NMRK1: variants seen among roughly 807,000 people sequenced by gnomAD.
NMRK1 encodes nicotinamide riboside kinase 1, also known as NRK 1.
Under a neutral mutation model 29.9 loss-of-function variants are expected in NMRK1, and 28 were observed. The observed-to-expected ratio is 0.94, with a 90% confidence interval of 0.69 to 1.28. The LOEUF is 1.28. NMRK1 is among the 50% of genes most tolerant of loss of function. The pLI is 0.00. For missense variants in NMRK1, 218 were observed against 233.1 expected (o/e 0.94, Z 0.42); for synonymous variants, 58 against 73.0 (o/e 0.79, Z 1.05).
intron 2 of NMRK1, 118 bp from the exon 3 acceptor site, chr9:75,077,698 C>G (rs902407223): frequency 1.5e-6 from 1 of 683,026 alleles, no homozygotes; most frequent in Non-Finnish European, 2.5e-6. Flanking sequence ...TGCAGTGGTG[C>G]AATCTTGGCT....
chr9:75,067,689 A>G (rs914394594), intron 7 of NMRK1, among the ~76,000 whole-genome samples: 1 of 152,210 alleles, frequency 6.6e-6, no homozygotes, highest in Non-Finnish European at 1.5e-5. Flanking sequence ...TTTGCATTTT[A>G]GGTAAAAGGG....
At chr9:75,084,788 T>C (rs1226957673) in intron 1 of NMRK1, among the ~76,000 whole-genome samples, 1 of 152,164 alleles carries the variant, frequency 6.6e-6, no homozygotes, top group Non-Finnish European at 1.5e-5. Context: ...AGGCCCTGTC[T>C]TAAAAAATAA....
intron 1 of NMRK1, among the ~76,000 whole-genome samples, chr9:75,086,887 A>G (rs1309155198): frequency 6.6e-6 from 1 of 151,192 alleles, no homozygotes; most frequent in Non-Finnish European, 1.5e-5. Context: ...CCCTTTTGGT[A>G]AACAAATCCC....
chr9:75,087,759 G>C (rs899906893), intron 1 of NMRK1: 2 of 152,248 alleles, frequency 1.3e-5, no homozygotes, highest in Non-Finnish European at 2.9e-5. Context: ...GACTTCTCCA[G>C]GCTGCGCGGT....
At chr9:75,072,752 T>C (rs550662797) in intron 4 of NMRK1, among the ~76,000 whole-genome samples, 1 of 152,360 alleles carries the variant, frequency 6.6e-6, no homozygotes, top group South Asian at 2.1e-4. Flanking sequence ...ATTTACTTCA[T>C]GGTGATTATA....
chr9:75,078,101 C>T (rs1735067371), intron 2 of NMRK1, among the ~76,000 whole-genome samples: 1 of 152,074 alleles, frequency 6.6e-6, no homozygotes, highest in South Asian at 2.1e-4. Context: ...AAGGTAACTA[C>T]CAAGTAAGGG....
intron 4 of NMRK1, among the ~76,000 whole-genome samples, chr9:75,070,554 C>G (rs1216806466): frequency 6.6e-6 from 1 of 152,184 alleles, no homozygotes; most frequent in Admixed American, 6.5e-5. Flanking sequence ...CATTGTCACA[C>G]TCTAAAAATG....
In NMRK1 at chr9:75,069,948, A is replaced by G; in HGVS notation, c.264T>C (p.Ser88=). The G allele has an allele frequency of 4.3e-6, 7 of 1,614,032 alleles. No individual in the cohort carries two copies. Among genetic ancestry groups the G allele is most frequent in the Non-Finnish European group, 5.9e-6 (7 of 1,179,946 alleles). Residue 88 remains serine, a synonymous_variant, in exon 5 of 9, where the codon AGT becomes AGC. Coordinates refer to ENST00000361092, the MANE Select transcript of NMRK1 (RefSeq NM_017881.3). ...TGATTAAAATGGGAATTTCCTCAGCACTTTCCTGGTCTGTTGATACCACAG... is the reference window on the plus strand; with the variant it reads ...TGATTAAAATGGGAATTTCCTCAGCGCTTTCCTGGTCTGTTGATACCACAG... The part of the protein sequence containing the change: ...RHSVVSTDQE[S]AEEIPILIIE...
In NMRK1 at chr9:75,083,170, C is replaced by A; in HGVS notation, c.-35-20G>T. 1 of 1,241,086 alleles carries A rather than the reference C, an allele frequency of 8.1e-7. No homozygotes were observed. Among genetic ancestry groups the A allele is most frequent in the Non-Finnish European group, 1.2e-6 (1 of 842,790 alleles). 76.9% of individuals were successfully genotyped at this position (1,241,086 alleles called of 1,614,324 possible). On this transcript the variant is annotated intron_variant, in intron 1 of 8. Coordinates refer to ENST00000361092, the MANE Select transcript of NMRK1 (RefSeq NM_017881.3). Reference sequence around the variant, plus strand: ...TATTTCCTAAAAGTAAAAAAACAAACAAACAAATCAAATGCATTTCATTTA... The same window carrying A: ...TATTTCCTAAAAGTAAAAAAACAAAAAAACAAATCAAATGCATTTCATTTA...
intron 4 of NMRK1, among the ~76,000 whole-genome samples, chr9:75,072,316 T>C (rs1367476378): frequency 6.6e-6 from 1 of 152,202 alleles, no homozygotes; most frequent in Admixed American, 6.5e-5. Context: ...TTGCATTACG[T>C]CTAGGGTTTT....
chr9:75,075,839 G>A (rs1186394480), intron 4 of NMRK1, among the ~76,000 whole-genome samples: 3 of 152,174 alleles, frequency 2.0e-5, no homozygotes, highest in Non-Finnish European at 4.4e-5. Flanking sequence ...TTCTCTCATG[G>A]GTGGTTGAGG....
intron 2 of NMRK1, 193 bp downstream of exon 2, chr9:75,082,894 C>T: frequency 1.8e-6 from 1 of 565,358 alleles, no homozygotes; most frequent in Non-Finnish European, 3.2e-6. Context: ...TTCTGTTTCT[C>T]TGTTTATAGA....
rs534409918 is a variant in NMRK1, at chr9:75,068,927, C to T, written c.496+69G>A. ...ATCCCTTTATACTTTTCTATGAGTC[C>T]TTTCTTTTCTATACTTTGAGGCAAA... On this transcript the variant is annotated intron_variant, in intron 7 of 8. Transcript: ENST00000361092. 3.7e-6 allele frequency: 4 copies of T among 1,067,392 alleles called. No individual in the cohort carries two copies. The South Asian group carries it at 3.9e-5, about 11-fold the overall frequency. 66.1% of individuals were successfully genotyped at this position (1,067,392 alleles called of 1,614,324 possible). A position where few individuals can be genotyped will look rare whatever the true frequency, so the allele number is the denominator to read the frequency against.
chr9:75,083,891 T>C (rs1008828186), intron 1 of NMRK1, among the ~76,000 whole-genome samples: 1 of 152,210 alleles, frequency 6.6e-6, no homozygotes. Flanking sequence ...TAATCATAAT[T>C]TTTTTAACAG....
rs1823578230 is a variant in NMRK1 at position 75,069,635 on chromosome 9, C to G, written c.389+107G>C. On this transcript the variant is annotated intron_variant, in intron 6 of 8. Transcript: ENST00000361092. The stretch of plus-strand genomic sequence containing the variant: ...TTGTAAAAGAGTTAAGGCTTCCTGT[C>G]TCTGAAAAATGACGTATACGCATTG... The G allele has an allele frequency of 4.7e-6, 4 of 842,210 alleles. No homozygotes were observed. In the South Asian group the frequency reaches 6.2e-5, roughly 13 times the overall value. 52.2% of individuals were successfully genotyped at this position (842,210 alleles called of 1,614,324 possible).
chr9:75,081,136 C>G (rs1216786178), intron 2 of NMRK1, among the ~76,000 whole-genome samples: 1 of 152,150 alleles, frequency 6.6e-6, no homozygotes, highest in Admixed American at 6.5e-5. Flanking sequence ...TGAATAATTA[C>G]TAAGTTATTA....
In NMRK1 at chr9:75,069,736, A is replaced by T. The variant is rs1431893815; in HGVS notation, c.389+6T>A. 22 of 1,607,696 alleles carry T rather than the reference A, an allele frequency of 1.4e-5. No homozygotes were observed. The highest frequency in any genetic ancestry group is 1.4e-5 in the Non-Finnish European group (17 of 1,176,950). Reference sequence around the variant, plus strand: ...TACAACTCACAAAGATGGCTTCAAAACTTACCTCCTCCTCCTTTTACATTC... The same window carrying T: ...TACAACTCACAAAGATGGCTTCAAATCTTACCTCCTCCTCCTTTTACATTC... On this transcript the variant is annotated splice_donor_region_variant and intron_variant, in intron 6 of 8. Transcript: ENST00000361092.
chr9:75,078,497 T>C (rs1824137896), intron 2 of NMRK1: 1 of 1,404,584 alleles, frequency 7.1e-7, no homozygotes, highest in Non-Finnish European at 9.3e-7. Context: ...AGATCTAGTT[T>C]TGCAGCATCG....
chr9:75,061,585 A>G lies in NMRK1; in HGVS notation c.581-18T>C, dbSNP rs376513905. ...TTGCAAACCTTGGGAATAAACATAA[A>G]AAGAAATTAATGGAGAATTCCAATT... is the stretch of plus-strand genomic sequence containing the variant. On this transcript the variant is annotated intron_variant, in intron 8 of 8. Coordinates refer to ENST00000361092, the MANE Select transcript of NMRK1 (RefSeq NM_017881.3). 3.8e-5 allele frequency: 61 copies of G among 1,587,036 alleles called. No individual in the cohort carries two copies. The highest frequency in any genetic ancestry group is 4.8e-5 in the Non-Finnish European group (56 of 1,156,706).
Sources: allele counts gnomAD v4.1 joint callset (sites outside exome capture counted in the v4.1 genomes callset), GRCh38; gene constraint gnomAD v4.1.1; transcripts MANE v1.5; gene names NCBI Gene and HGNC (gene_info 2026-07-23, HGNC 2026-07-21).